NECAB1: variants seen among roughly 807,000 people sequenced by gnomAD.
NECAB1 encodes the protein N-terminal EF-hand calcium binding protein 1.
Under a neutral mutation model 57.5 loss-of-function variants are expected in NECAB1, and 29 were observed. That is an observed-to-expected ratio of 0.50 (90% confidence interval 0.38 to 0.69). The LOEUF (loss-of-function observed/expected upper bound fraction) is 0.69, where lower values mean the gene tolerates loss of function less well. Among genes scored for constraint, NECAB1 ranks in the 30% least tolerant of loss-of-function variants. NECAB1 has a pLI of 0.00. For missense variants in NECAB1, 372 were observed against 413.8 expected (o/e 0.90, Z 0.88); for synonymous variants, 142 against 147.7 (o/e 0.96, Z 0.28).
At chr8:90,922,883 C>A (rs1441155588) in intron 6 of NECAB1, among the ~76,000 whole-genome samples, 1 of 152,118 alleles carries the variant, frequency 6.6e-6, no homozygotes, top group Admixed American at 6.6e-5. Context: ...TTTGCTCTCT[C>A]TCTAAACCCT....
At chr8:90,906,893 A>ATATATATATGTATATATATATGTATG (rs1586111092) in intron 5 of NECAB1, among the ~76,000 whole-genome samples, 4 of 137,550 alleles carry the variant, frequency 2.9e-5, no homozygotes, top group African/African-American at 1.1e-4. Flanking sequence ...ATATATATAT[A>ATATATATATGTATATATATATGTATG]TATATATATA....
chr8:90,840,712 C>A (rs994101947), intron 3 of NECAB1, among the ~76,000 whole-genome samples: 1 of 152,102 alleles, frequency 6.6e-6, no homozygotes, highest in Non-Finnish European at 1.5e-5. Flanking sequence ...TGTTTGACTG[C>A]GGTCTTAGAG....
In NECAB1 at chr8:90,934,331, G is replaced by T; in HGVS notation, c.721G>T (p.Glu241Ter). Residue 241 changes from glutamate (E) to a stop codon, truncating the protein, a stop_gained, in exon 9 of 13, where the codon GAA becomes TAA. Transcript: ENST00000417640. LOFTEE classifies it high-confidence loss of function. Reference sequence around the variant, plus strand: ...TCTCAAACTCGAACCACCAGAAGAAGAAATTATTGAAGGGAATACTAAATC... The same window carrying T: ...TCTCAAACTCGAACCACCAGAAGAATAAATTATTGAAGGGAATACTAAATC... ...KDLKLEPPEE[E>*]IIEGNTKSHI... 1 of 1,515,382 alleles carries T rather than the reference G, an allele frequency of 6.6e-7. No homozygotes were observed. Among genetic ancestry groups the T allele is most frequent in the Admixed American group, 2.2e-5 (1 of 45,458 alleles). 93.9% of individuals were successfully genotyped at this position (1,515,382 alleles called of 1,614,324 possible).
chr8:90,941,465 A>G (rs886941504), intron 10 of NECAB1, among the ~76,000 whole-genome samples: 4 of 152,210 alleles, frequency 2.6e-5, no homozygotes, highest in African/African-American at 4.8e-5. Context: ...ATCTCAAGCT[A>G]CTAAAATATA....
chr8:90,946,470 C>A (rs1208372556), intron 10 of NECAB1, among the ~76,000 whole-genome samples: 1 of 152,202 alleles, frequency 6.6e-6, no homozygotes, highest in Non-Finnish European at 1.5e-5. Flanking sequence ...ACAACAGCAC[C>A]TTCCGGTATC....
chr8:90,844,906 C>T (rs1812527395), intron 3 of NECAB1, among the ~76,000 whole-genome samples: 1 of 152,126 alleles, frequency 6.6e-6, no homozygotes, highest in African/African-American at 2.4e-5. Context: ...GGATGTGTAT[C>T]TATAAGAAGA....
Position 90,792,333 on chromosome 8 carries a change from A to G in NECAB1, c.99+348A>G, listed in dbSNP as rs1424339375. 2.6e-5 allele frequency among the ~76,000 whole-genome samples: 4 copies of G among 152,074 alleles called. No homozygotes were observed. The East Asian group carries it at 7.7e-4, about 29-fold the overall frequency. ...GGGGTGAGGTGGGGACAGTGTCCCA[A>G]CTCATCTCTCTAACGCGCCCTATTC... is the stretch of plus-strand genomic sequence containing the variant. On this transcript the variant is annotated intron_variant, in intron 1 of 12. Transcript: ENST00000417640.
At chr8:90,816,662 C>T (rs1208498865) in intron 2 of NECAB1, among the ~76,000 whole-genome samples, 1 of 151,692 alleles carries the variant, frequency 6.6e-6, no homozygotes, top group African/African-American at 2.4e-5. Context: ...TACTTCTGGA[C>T]TCTAAATTCT....
chr8:90,923,622 C>G (rs1027861963), intron 6 of NECAB1, among the ~76,000 whole-genome samples: 2 of 152,116 alleles, frequency 1.3e-5, no homozygotes, highest in East Asian at 3.8e-4. Context: ...AGAAAAGAAA[C>G]TCGAAAGAAA....
intron 2 of NECAB1, among the ~76,000 whole-genome samples, chr8:90,802,701 A>G (rs1210123974): frequency 6.6e-6 from 1 of 152,186 alleles, no homozygotes; most frequent in African/African-American, 2.4e-5. Flanking sequence ...CTTTCTACAC[A>G]AAAGAAGATT....
At chr8:90,917,716 A>C in intron 6 of NECAB1, 88 bp downstream of exon 6, 2 of 1,271,624 alleles carry the variant, frequency 1.6e-6, no homozygotes, top group Non-Finnish European at 2.1e-6. Flanking sequence ...ACACTAGCAA[A>C]AACTAAAAAA....
intron 8 of NECAB1, among the ~76,000 whole-genome samples, chr8:90,931,942 AC>A (rs1810418492): frequency 6.6e-6 from 1 of 151,174 alleles, no homozygotes; most frequent in Non-Finnish European, 1.5e-5. Flanking sequence ...AAAATAAAAA[AC>A]AAAAAAAAAC....
chr8:90,844,233 G>A (rs1812512963), intron 3 of NECAB1, among the ~76,000 whole-genome samples: 1 of 152,130 alleles, frequency 6.6e-6, no homozygotes, highest in African/African-American at 2.4e-5. Flanking sequence ...AGTTCTCCAT[G>A]ATGCATCAGC....
At chr8:90,795,871 A>C (rs1586026955) in intron 1 of NECAB1, among the ~76,000 whole-genome samples, 1 of 152,150 alleles carries the variant, frequency 6.6e-6, no homozygotes, top group Non-Finnish European at 1.5e-5. Flanking sequence ...AAAAAAATTT[A>C]ATGCATGCTG....
intron 1 of NECAB1, among the ~76,000 whole-genome samples, chr8:90,796,713 G>C (rs377048386): frequency 1.3e-5 from 2 of 152,032 alleles, no homozygotes; most frequent in Non-Finnish European, 2.9e-5. Context: ...CCTTAAGATC[G>C]GCTGACACAG....
chr8:90,949,843 C>T lies in NECAB1; in HGVS notation c.897C>T (p.Tyr299=), dbSNP rs375779537. Residue 299 remains tyrosine (Y), a synonymous_variant, in exon 11 of 13, where the codon TAC becomes TAT. Coordinates refer to ENST00000417640, the MANE Select transcript of NECAB1 (RefSeq NM_022351.5). ...AGAAGCTTTCAAATGAATCTCGCTA[C>T]ATGATCTATGAGTTCTGGGAGAATA... The part of the protein sequence containing the change: ...SIQKLSNESR[Y]MIYEFWENSS... 13 of 1,609,292 alleles carry T rather than the reference C, an allele frequency of 8.1e-6. No individual in the cohort carries two copies. The African/African-American group carries it at 1.5e-4, about 18-fold the overall frequency.
intron 3 of NECAB1, among the ~76,000 whole-genome samples, chr8:90,861,817 C>G (rs28374676): frequency 0.016 from 2,486 of 152,192 alleles, 57 homozygotes; most frequent in African/African-American, 0.057. Flanking sequence ...AATGGGAGAG[C>G]CAGGGCAAAC....
intron 2 of NECAB1, chr8:90,812,985 G>C (rs1811988786): frequency 6.6e-6 from 1 of 152,128 alleles, no homozygotes; most frequent in East Asian, 1.9e-4. Context: ...TCAGGAGTTT[G>C]AGACCATCCT....
intron 3 of NECAB1, among the ~76,000 whole-genome samples, chr8:90,844,384 G>T (rs896406966): frequency 6.6e-6 from 1 of 152,068 alleles, no homozygotes; most frequent in African/African-American, 2.4e-5. Context: ...GATCCTAAGG[G>T]TCCCTATAGT....
Sources: allele counts gnomAD v4.1 joint callset (sites outside exome capture counted in the v4.1 genomes callset), GRCh38; gene constraint gnomAD v4.1.1; transcripts MANE v1.5; gene names NCBI Gene and HGNC (gene_info 2026-07-23, HGNC 2026-07-21).